ATP1B4: variants seen among roughly 807,000 people sequenced by gnomAD.
ATP1B4 encodes protein ATP1B4.
ATP1B4 carries 32 observed loss-of-function variants against 29.6 expected under a neutral mutation model. The observed-to-expected ratio is 1.08, with a 90% confidence interval of 0.82 to 1.45. ATP1B4 has a LOEUF of 1.45. Among genes scored for constraint, ATP1B4 ranks in the 40% most tolerant of loss-of-function variants. The pLI is 0.00. For synonymous variants in ATP1B4, 127 were observed against 102.1 expected, an observed-to-expected ratio of 1.24 and a Z score of -1.47; for missense variants, 323 against 276.2, an observed-to-expected ratio of 1.17 and a Z score of -1.20.
chrX:120,376,316 C>G (rs897696637), intron 5 of ATP1B4, 64 bp from the exon 6 acceptor site: 16 of 1,097,145 alleles, frequency 1.5e-5, no homozygotes, highest in Non-Finnish European at 2.0e-5. Context: ...TTAGAAAAGC[C>G]CAATTTTTTA....
chrX:120,373,923 TCTC>T (rs1048734620), intron 4 of ATP1B4, among the ~76,000 whole-genome samples: 1 of 108,850 alleles, frequency 9.2e-6, no homozygotes, highest in African/African-American at 3.3e-5. Flanking sequence ...TCCACCTCCT[TCTC>T]CTCCTCTTCC....
Position 120,368,694 on chromosome X carries a change from C to G in ATP1B4, c.328+1905C>G, listed in dbSNP as rs181655967. Among the ~76,000 whole-genome samples, 11 of 111,831 alleles carry G rather than the reference C, an allele frequency of 9.8e-5. No individual in the cohort carries two copies. The East Asian group carries it at 3.1e-3, about 31-fold the overall frequency. On this transcript the variant is annotated intron_variant, in intron 2 of 7. Coordinates refer to ENST00000218008, the MANE Select transcript of ATP1B4 (RefSeq NM_001142447.3). Reference sequence around the variant, plus strand: ...AGAACACTGCCCCATTTCATGAACTCTAACAATGAACAAGGCCCTGATGTG... The same window carrying G: ...AGAACACTGCCCCATTTCATGAACTGTAACAATGAACAAGGCCCTGATGTG...
intron 7 of ATP1B4, among the ~76,000 whole-genome samples, chrX:120,379,088 A>T (rs1161555713): frequency 1.8e-5 from 2 of 111,477 alleles, no homozygotes; most frequent in East Asian, 5.6e-4. Flanking sequence ...ATTACTACCA[A>T]TGTGCTTAAA....
At chrX:120,374,465 C>T (rs1011663949) in intron 4 of ATP1B4, among the ~76,000 whole-genome samples, 5 of 96,169 alleles carry the variant, frequency 5.2e-5, no homozygotes, top group African/African-American at 1.9e-4. Context: ...CTTATATATA[C>T]CAGGATATAC....
chrX:120,366,390 A>G, intron 1 of ATP1B4, 135 bp from the exon 2 acceptor site: 1 of 719,279 alleles, frequency 1.4e-6, no homozygotes, highest in Non-Finnish European at 2.0e-6. Context: ...TCTTGTAACA[A>G]CATGTATGTT....
At chrX:120,379,334 T>C (rs2058371302) in intron 7 of ATP1B4, 139 bp from the exon 8 acceptor site, 7 of 516,056 alleles carry the variant, frequency 1.4e-5, no homozygotes, top group South Asian at 3.9e-5. Flanking sequence ...AGTATGTCTG[T>C]TGCTTTGGCC....
intron 1 of ATP1B4, among the ~76,000 whole-genome samples, chrX:120,362,447 C>A (rs1054265666): frequency 9.0e-6 from 1 of 111,616 alleles, no homozygotes; most frequent in African/African-American, 3.3e-5. Context: ...GCCCCTCTTC[C>A]TGTGAAACAA....
At position 120,381,258 on chromosome X, in the gene ATP1B4, G is replaced by T. The variant is rs1033349607; in HGVS notation, c.*1624G>T. 7 of 111,534 alleles carry T rather than the reference G, an allele frequency of 6.3e-5. No individual in the cohort carries two copies. The highest frequency in any genetic ancestry group is 2.3e-4 in the African/African-American group (7 of 30,667). 9.2% of individuals were successfully genotyped at this position (111,534 alleles called of 1,213,427 possible). ...GACCATGGTGTGTCTGGGTAACTGT[G>T]AGCAGTTTATGTAACTGGAATGAAA... is the stretch of plus-strand genomic sequence containing the variant. On this transcript the variant is annotated 3_prime_UTR_variant, in exon 8 of 8. Transcript: ENST00000218008.
rs1487641807 is a variant in ATP1B4, at chrX:120,382,125, T to C, written c.*2491T>C. Reference sequence around the variant, plus strand: ...TGAAGCCAGTCATGTAAACATACTATACCAATCTAGTCCCTAACAGTGTTT... The same window carrying C: ...TGAAGCCAGTCATGTAAACATACTACACCAATCTAGTCCCTAACAGTGTTT... On this transcript the variant is annotated 3_prime_UTR_variant, in exon 8 of 8. Coordinates refer to ENST00000218008, the MANE Select transcript of ATP1B4 (RefSeq NM_001142447.3). 1 of 111,499 alleles carries C rather than the reference T, an allele frequency of 9.0e-6. No individual in the cohort carries two copies. The highest frequency in any genetic ancestry group is 3.8e-4 in the South Asian group (1 of 2,650). The allele number at this position is 111,499 out of a possible 1,213,427, so 9.2% of individuals were successfully genotyped here.
chrX:120,375,880 G>A (rs1983914445), intron 5 of ATP1B4, among the ~76,000 whole-genome samples: 1 of 110,680 alleles, frequency 9.0e-6, no homozygotes, highest in Non-Finnish European at 1.9e-5. Flanking sequence ...AGGAAGGAGG[G>A]TTGCTTGAGC....
chrX:120,371,044 T>A (rs746528723), intron 3 of ATP1B4, 62 bp from the exon 4 acceptor site: 66 of 1,079,387 alleles, frequency 6.1e-5, no homozygotes, highest in Non-Finnish European at 8.1e-5. Context: ...TTCATGGGAA[T>A]CAATACAAAA....
intron 2 of ATP1B4, among the ~76,000 whole-genome samples, chrX:120,367,040 C>G (rs2058289718): frequency 8.9e-6 from 1 of 112,225 alleles, no homozygotes; most frequent in Admixed American, 9.4e-5. Flanking sequence ...TGCAGAGAGA[C>G]AGTGAGAATG....
Position 120,379,691 on chromosome X carries a change from T to G in ATP1B4, c.*57T>G. The G allele has an allele frequency of 8.3e-6, 9 of 1,088,205 alleles. No homozygotes were observed. Among genetic ancestry groups the G allele is most frequent in the Non-Finnish European group, 1.1e-5 (9 of 812,936 alleles). The allele number at this position is 1,088,205 out of a possible 1,213,427, so 89.7% of individuals were successfully genotyped here. A position where few individuals can be genotyped will look rare whatever the true frequency, so the allele number is the denominator to read the frequency against. On this transcript the variant is annotated 3_prime_UTR_variant, in exon 8 of 8. Coordinates refer to ENST00000218008, the MANE Select transcript of ATP1B4 (RefSeq NM_001142447.3). ...TTTCTGTTTTATCTCATGGTATCTC[T>G]GGTAGCACCTGAATTCTTTTTCTTC... is the stretch of plus-strand genomic sequence containing the variant.
Position 120,366,537 on chromosome X carries a change from G to A in ATP1B4, c.76G>A (p.Glu26Lys), listed in dbSNP as rs200250439. Residue 26 changes from glutamate to lysine, a missense_variant, in exon 2 of 8, where the codon GAA becomes AAA. By Grantham distance (56) the Glu-to-Lys change is moderately conservative. Coordinates refer to ENST00000218008, the MANE Select transcript of ATP1B4 (RefSeq NM_001142447.3). ...GTCACTGTTCCAGGATGATCCGGAT[G>A]AAGCGAACCAGAACTACTTAGCAGA... ...SYRYRLDDPD[E>K]ANQNYLADEE... 3.0e-5 allele frequency: 36 copies of A among 1,205,981 alleles called. No homozygotes were observed. Among genetic ancestry groups the A allele is most frequent in the Middle Eastern group, 2.3e-4 (1 of 4,356 alleles).
At position 120,374,981 on chromosome X, in the gene ATP1B4, G is replaced by A. The variant is rs1485626314; in HGVS notation, c.563-391G>A. Among the ~76,000 whole-genome samples, 4 of 103,367 alleles carry A rather than the reference G, an allele frequency of 3.9e-5. No homozygotes were observed. The South Asian group carries it at 1.7e-3, about 44-fold the overall frequency. The allele number at this position is 103,367 out of a possible 115,157, so 89.8% of individuals were successfully genotyped here. A position where few individuals can be genotyped will look rare whatever the true frequency, so the allele number is the denominator to read the frequency against. On this transcript the variant is annotated intron_variant, in intron 4 of 7. Transcript: ENST00000218008. ...CCCTCTTCCAAAATCTACCAACTATGTGCCTATTTCTCTCTCAGAAGTAGA... is the reference window on the plus strand; with the variant it reads ...CCCTCTTCCAAAATCTACCAACTATATGCCTATTTCTCTCTCAGAAGTAGA...
At chrX:120,362,895 C>T in intron 1 of ATP1B4, among the ~76,000 whole-genome samples, 1 of 112,413 alleles carries the variant, frequency 8.9e-6, no homozygotes. Flanking sequence ...AATGCATCTT[C>T]CAAACCCCCG....
rs1044691555 is a variant in ATP1B4 at position 120,370,803 on chromosome X, T to C, written c.417T>C (p.Ser139=). 3 of 1,211,311 alleles carry C rather than the reference T, an allele frequency of 2.5e-6. No homozygotes were observed. Among genetic ancestry groups the C allele is most frequent in the Non-Finnish European group, 3.4e-6 (3 of 895,347 alleles). The part of the protein sequence containing the change: ...LCMYTLFLTI[S]PYIPTFTERV... ...TGTACACACTATTTCTGACCATCAG[T>C]CCCTATATACCAACCTTCACGGAGC... is the stretch of plus-strand genomic sequence containing the variant. Residue 139 remains serine, a synonymous_variant, in exon 3 of 8, where the codon AGT becomes AGC. Transcript: ENST00000218008.
chrX:120,379,508 T>C lies in ATP1B4; in HGVS notation c.948T>C (p.Phe316=). 1.7e-6 allele frequency: 2 copies of C among 1,210,469 alleles called. No individual in the cohort carries two copies. The highest frequency in any genetic ancestry group is 2.2e-6 in the Non-Finnish European group (2 of 894,885). Residue 316 remains phenylalanine (F), a synonymous_variant, in exon 8 of 8, where the codon TTT becomes TTC. Transcript: ENST00000218008. The stretch of plus-strand genomic sequence containing the variant: ...CATCCCCCTTGGTGGCAATGCACTT[T>C]ACAGACGTGGTGAAGAACCAAGCAG... The part of the protein sequence containing the change: ...NYTSPLVAMH[F]TDVVKNQAVP...
chrX:120,373,390 G>A (rs772919168), intron 4 of ATP1B4, among the ~76,000 whole-genome samples: 27 of 112,478 alleles, frequency 2.4e-4, no homozygotes, highest in Non-Finnish European at 3.8e-4. Flanking sequence ...CGCAGTTGCC[G>A]ATTAATAATA....
Sources: gnomAD v4.1 joint callset for allele counts (sites outside exome capture counted in the v4.1 genomes callset) on GRCh38, gnomAD v4.1.1 for gene constraint, MANE v1.5 for transcripts, NCBI Gene and HGNC (gene_info 2026-07-23, HGNC 2026-07-21) for gene names.